The following NIPBL variants were observed in gnomAD, a reference collection of about 807,000 sequenced individuals.
The protein encoded by NIPBL is NIPBL cohesin loading factor.
NIPBL carries 19 observed loss-of-function variants against 321.8 expected under a neutral mutation model. That is an observed-to-expected ratio of 0.06 (90% CI 0.04 to 0.09). The LOEUF is 0.09. Ranked by LOEUF, NIPBL falls within the 10% of genes least tolerant of loss-of-function variation. The pLI is 1.00. For synonymous variants in NIPBL, 1,106 were observed against 1,114.1 expected (o/e 0.99, Z 0.14); for missense variants, 2,210 against 3,327.0 (o/e 0.66, Z 8.26).
intron 11 of NIPBL, among the ~76,000 whole-genome samples, chr5:36,998,437 C>A (rs769484242): frequency 6.6e-6 from 1 of 152,062 alleles, no homozygotes; most frequent in Non-Finnish European, 1.5e-5. Flanking sequence ...ATTTTCTACT[C>A]ATAGGATTGA....
intron 38 of NIPBL, among the ~76,000 whole-genome samples, chr5:37,047,127 A>G (rs1216091009): frequency 1.3e-5 from 2 of 152,224 alleles, no homozygotes; most frequent in East Asian, 3.8e-4. Flanking sequence ...ATATGAGTAG[A>G]TTATATGCAA....
At chr5:37,039,756 T>G (rs1752123082) in intron 34 of NIPBL, among the ~76,000 whole-genome samples, 1 of 152,122 alleles carries the variant, frequency 6.6e-6, no homozygotes, top group Non-Finnish European at 1.5e-5. Context: ...AATTACAAGC[T>G]CTAGGTGAAA....
intron 1 of NIPBL, among the ~76,000 whole-genome samples, chr5:36,878,512 TTCG>T (rs1224199264): frequency 2.6e-5 from 4 of 152,232 alleles, no homozygotes; most frequent in African/African-American, 9.6e-5. Context: ...TTGTTTCATA[TTCG>T]CTGAAGGAAA....
At chr5:36,884,622 A>G (rs964013831) in intron 1 of NIPBL, among the ~76,000 whole-genome samples, 2 of 152,170 alleles carry the variant, frequency 1.3e-5, no homozygotes, top group African/African-American at 4.8e-5. Flanking sequence ...GAGATTTTGT[A>G]TTATCTTCAT....
intron 21 of NIPBL, among the ~76,000 whole-genome samples, chr5:37,013,135 C>T (rs1318478352): frequency 2.7e-5 from 4 of 150,316 alleles, no homozygotes; most frequent in Admixed American, 6.6e-5. Context: ...AGGCGCCCCT[C>T]ACCTCCCGGA....
At chr5:36,963,447 T>C (rs894203937) in intron 6 of NIPBL, among the ~76,000 whole-genome samples, 3 of 152,006 alleles carry the variant, frequency 2.0e-5, no homozygotes, top group African/African-American at 7.2e-5. Context: ...TTATGAAATA[T>C]TAGGTTGAGC....
chr5:37,031,806 T>C lies in NIPBL; in HGVS notation c.5862+4394T>C, dbSNP rs539119078. Among the ~76,000 whole-genome samples the C allele has an allele frequency of 1.3e-3, 200 of 152,262 alleles. 5 individuals carry two copies. In the South Asian group the frequency reaches 0.04, roughly 31 times the overall value. On this transcript the variant is annotated intron_variant, in intron 32 of 46. Transcript: ENST00000282516. ...GTATTAATACATACAGCAACATAGATAAATAATGAAAACATTGTGCAGAGT... is the reference window on the plus strand; with the variant it reads ...GTATTAATACATACAGCAACATAGACAAATAATGAAAACATTGTGCAGAGT...
intron 10 of NIPBL, among the ~76,000 whole-genome samples, chr5:36,990,956 A>T (rs78201370): frequency 6.6e-6 from 1 of 152,016 alleles, no homozygotes; most frequent in Non-Finnish European, 1.5e-5. Context: ...ATTTATGAAG[A>T]AATAATCTTT....
chr5:36,956,288 A>G (rs1211365452), intron 3 of NIPBL, among the ~76,000 whole-genome samples: 1 of 152,072 alleles, frequency 6.6e-6, no homozygotes, highest in African/African-American at 2.4e-5. Context: ...AAACAACACA[A>G]AAATGTGTAA....
intron 1 of NIPBL, among the ~76,000 whole-genome samples, chr5:36,952,070 G>GCT (rs1200694073): frequency 7.2e-6 from 1 of 139,228 alleles, no homozygotes; most frequent in Non-Finnish European, 1.6e-5. Context: ...GCGCGCGCGC[G>GCT]CGCATGTGTG....
chr5:36,940,283 T>C (rs1034255168), intron 1 of NIPBL, among the ~76,000 whole-genome samples: 1 of 152,196 alleles, frequency 6.6e-6, no homozygotes, highest in African/African-American at 2.4e-5. Context: ...GCCATGTTTA[T>C]TAACTAAGAT....
intron 1 of NIPBL, among the ~76,000 whole-genome samples, chr5:36,952,018 C>CTGTGTGTGTGTGTGTGTGTGTG (rs60067315): frequency 2.6e-4 from 26 of 101,942 alleles, no homozygotes; most frequent in African/African-American, 7.6e-4. Context: ...CTCTGTTAAA[C>CTGTGTGTGTGTGTGTGTGTGTG]TGTGTGTGTG....
intron 1 of NIPBL, among the ~76,000 whole-genome samples, chr5:36,952,925 A>C (rs1040626786): frequency 5.9e-5 from 9 of 152,222 alleles, no homozygotes; most frequent in African/African-American, 2.2e-4. Flanking sequence ...AAATGTCATA[A>C]GTTCAGAGTA....
intron 1 of NIPBL, among the ~76,000 whole-genome samples, chr5:36,893,165 CAGTT>C (rs1429966114): frequency 6.6e-6 from 1 of 152,260 alleles, no homozygotes; most frequent in Non-Finnish European, 1.5e-5. Context: ...ACTGCCTCTT[CAGTT>C]AGTTTTATAC....
intron 34 of NIPBL, 88 bp downstream of exon 34, chr5:37,038,826 A>G (rs887173895): frequency 1.5e-6 from 2 of 1,296,302 alleles, no homozygotes; most frequent in Admixed American, 1.9e-5. Flanking sequence ...CCACATTCTC[A>G]CTGACAGATC....
rs141943274 is a variant in NIPBL at position 36,965,353 on chromosome 5, A to G, written c.610+3079A>G. On this transcript the variant is annotated intron_variant, in intron 6 of 46. Transcript: ENST00000282516. ...ATATTACTCAGCCATAAAAAAGAAT[A>G]AAGTCCTGTCATTTTCAGCAACATA... 6.1e-3 allele frequency among the ~76,000 whole-genome samples: 924 copies of G among 152,250 alleles called. 12 individuals carry two copies. The highest frequency in any genetic ancestry group is 6.8e-3 in the Middle Eastern group (2 of 292).
At chr5:37,014,596 A>G (rs938402616) in intron 21 of NIPBL, 87 bp from the exon 22 acceptor site, 2 of 793,114 alleles carry the variant, frequency 2.5e-6, no homozygotes, top group Non-Finnish European at 2.2e-6. Context: ...TAAATATATT[A>G]CCCCTCTTCA....
At chr5:36,956,197 C>T (rs1273241434) in intron 3 of NIPBL, among the ~76,000 whole-genome samples, 1 of 152,030 alleles carries the variant, frequency 6.6e-6, no homozygotes. Flanking sequence ...CGCCACTGCA[C>T]TCCAGCCTGG....
At chr5:36,953,821 T>C in intron 2 of NIPBL, 61 bp downstream of exon 2, 7 of 1,354,510 alleles carry the variant, frequency 5.2e-6, no homozygotes, top group Non-Finnish European at 7.4e-6. Flanking sequence ...ATTTTTACAG[T>C]GACTGTTCTA....
Sources: gnomAD v4.1 joint callset for allele counts (sites outside exome capture counted in the v4.1 genomes callset) on GRCh38, gnomAD v4.1.1 for gene constraint, MANE v1.5 for transcripts, NCBI Gene and HGNC (gene_info 2026-07-23, HGNC 2026-07-21) for gene names.